RPA1: variants seen among roughly 807,000 people sequenced by gnomAD.
RPA1 encodes the protein replication protein A1, also known as replication protein A 70 kDa DNA-binding subunit.
Under a neutral mutation model 83.0 loss-of-function variants are expected in RPA1, and 49 were observed. The observed-to-expected ratio is 0.59, with a 90% CI of 0.47 to 0.75. The LOEUF is 0.75. Among genes scored for constraint, RPA1 ranks in the 30% least tolerant of loss-of-function variants. RPA1 has a pLI of 0.00. For synonymous variants in RPA1, 279 were observed against 281.8 expected, an observed-to-expected ratio of 0.99 and a Z score of 0.10; for missense variants, 693 against 776.1, an observed-to-expected ratio of 0.89 and a Z score of 1.27.
At position 1,831,511 on chromosome 17, in the gene RPA1, C is replaced by T. The variant is rs533850472; in HGVS notation, c.33+1385C>T. On this transcript the variant is annotated intron_variant, in intron 1 of 16. Coordinates refer to ENST00000254719, the MANE Select transcript of RPA1 (RefSeq NM_002945.5). ...ATTCCCATCCACAGCATACTCTCAG[C>T]CTACCTCTCCAGTCACCCCCACATT... Among the ~76,000 whole-genome samples the T allele has an allele frequency of 6.6e-5, 10 of 152,186 alleles. No individual in the cohort carries two copies. In the East Asian group the frequency reaches 1.3e-3, roughly 21 times the overall value.
chr17:1,886,571 A>C (rs539988795), intron 13 of RPA1, among the ~76,000 whole-genome samples: 8 of 152,342 alleles, frequency 5.3e-5, no homozygotes, highest in African/African-American at 1.9e-4. Flanking sequence ...GGTCCTAGCT[A>C]GATCTTCTGG....
chr17:1,837,768 G>A (rs1434472671), intron 1 of RPA1, among the ~76,000 whole-genome samples: 3 of 152,152 alleles, frequency 2.0e-5, no homozygotes, highest in Non-Finnish European at 1.5e-5. Flanking sequence ...CTAAAAATTG[G>A]GTTTTGTGCT....
intron 15 of RPA1, among the ~76,000 whole-genome samples, chr17:1,894,029 GT>G (rs5818841): frequency 0.16 from 20,964 of 127,434 alleles, 1,569 homozygotes; most frequent in East Asian, 0.25. Flanking sequence ...CCTGGCTTAA[GT>G]TTTTTTTTTT....
At chr17:1,889,641 T>A (rs1914130968) in intron 14 of RPA1, among the ~76,000 whole-genome samples, 1 of 152,112 alleles carries the variant, frequency 6.6e-6, no homozygotes, top group African/African-American at 2.4e-5. Context: ...GCACCCGGCC[T>A]TAAGATTTTT....
intron 5 of RPA1, among the ~76,000 whole-genome samples, chr17:1,860,805 G>T (rs941249858): frequency 6.6e-6 from 1 of 152,154 alleles, no homozygotes; most frequent in South Asian, 2.1e-4. Context: ...TTCGTACCTC[G>T]TTGGGTGCTA....
chr17:1,830,062 G>T lies in RPA1; in HGVS notation c.-32G>T. ...CGGGTGGGGAAGCTGGAGCTGTTGC[G>T]GGGTCCGCGGGGAAGTCTTGGCGGT... is the stretch of plus-strand genomic sequence containing the variant. On this transcript the variant is annotated 5_prime_UTR_variant, in exon 1 of 17. Transcript: ENST00000254719. 1 of 1,249,100 alleles carries T rather than the reference G, an allele frequency of 8.0e-7. No homozygotes were observed. The highest frequency in any genetic ancestry group is 1.0e-6 in the Non-Finnish European group (1 of 988,078). The allele number at this position is 1,249,100 out of a possible 1,614,324, so 77.4% of individuals were successfully genotyped here.
intron 5 of RPA1, among the ~76,000 whole-genome samples, chr17:1,866,238 T>G (rs954847864): frequency 4.6e-5 from 7 of 151,896 alleles, no homozygotes; most frequent in African/African-American, 1.7e-4. Context: ...TGAGACTCCA[T>G]CTCAAAAAAC....
chr17:1,886,380 T>G (rs1164481966), intron 13 of RPA1, among the ~76,000 whole-genome samples: 1 of 152,236 alleles, frequency 6.6e-6, no homozygotes, highest in African/African-American at 2.4e-5. Context: ...GAGCACTGGC[T>G]TCACCTTATA....
At chr17:1,850,142 A>C (rs1197035345) in intron 4 of RPA1, among the ~76,000 whole-genome samples, 3 of 151,210 alleles carry the variant, frequency 2.0e-5, no homozygotes, top group Non-Finnish European at 4.4e-5. Context: ...ACTGCACTCT[A>C]GCCTGGGCGA....
At chr17:1,866,831 T>C (rs1464623618) in intron 5 of RPA1, among the ~76,000 whole-genome samples, 1 of 152,256 alleles carries the variant, frequency 6.6e-6, no homozygotes, top group East Asian at 1.9e-4. Flanking sequence ...TCTTGATTTA[T>C]GGTGTTTCGG....
intron 6 of RPA1, among the ~76,000 whole-genome samples, chr17:1,874,181 G>T (rs1427907928): frequency 6.6e-6 from 1 of 151,474 alleles, no homozygotes; most frequent in Non-Finnish European, 1.5e-5. Context: ...TTTTCTGGTT[G>T]TCTATCTTTG....
At chr17:1,874,065 T>A (rs1913495225) in intron 6 of RPA1, among the ~76,000 whole-genome samples, 1 of 126,070 alleles carries the variant, frequency 7.9e-6, no homozygotes, top group African/African-American at 3.2e-5. Flanking sequence ...ACACACACAC[T>A]TTTGAAGAGA....
intron 1 of RPA1, among the ~76,000 whole-genome samples, chr17:1,830,859 G>A (rs1911534113): frequency 6.6e-6 from 1 of 151,688 alleles, no homozygotes; most frequent in Non-Finnish European, 1.5e-5. Flanking sequence ...TCCGTCTCCC[G>A]GGTGCAAGTG....
At position 1,891,833 on chromosome 17, in the gene RPA1, G is replaced by A. The variant is rs768226366; in HGVS notation, c.1552G>A (p.Val518Ile). Residue 518 changes from valine to isoleucine, a missense_variant and splice_region_variant, in exon 15 of 17, where the codon GTA (valine) becomes ATA (isoleucine). By Grantham distance (29) the Val-to-Ile change is conservative. Coordinates refer to ENST00000254719, the MANE Select transcript of RPA1 (RefSeq NM_002945.5). ...AATAATGTAGAATTGTGTTTTTTAG[G>A]TAAATATTGCAGATTTTCAAGAGAA... ...PNFKYRMILS[V>I]NIADFQENQW... is the part of the protein sequence containing the mutation. The A allele has an allele frequency of 6.4e-7, 1 of 1,572,070 alleles. No homozygotes were observed. The highest frequency in any genetic ancestry group is 2.3e-5 in the East Asian group (1 of 44,322).
chr17:1,891,025 T>C (rs1005227295), intron 14 of RPA1, among the ~76,000 whole-genome samples: 1 of 152,214 alleles, frequency 6.6e-6, no homozygotes, highest in African/African-American at 2.4e-5. Context: ...TTTCGTCACC[T>C]TATTTTTCGT....
At chr17:1,842,715 A>G (rs1175929178) in intron 1 of RPA1, 88 bp from the exon 2 acceptor site, 3 of 1,160,552 alleles carry the variant, frequency 2.6e-6, no homozygotes, top group African/African-American at 1.5e-5. Flanking sequence ...AATCTTATCT[A>G]TATATTCCAA....
intron 4 of RPA1, among the ~76,000 whole-genome samples, chr17:1,849,331 C>T (rs1237493603): frequency 1.6e-5 from 2 of 126,368 alleles, no homozygotes; most frequent in East Asian, 4.5e-4. Flanking sequence ...CTCGCTCTGT[C>T]TCTCAGGCTG....
chr17:1,836,622 G>C (rs947616886), intron 1 of RPA1, among the ~76,000 whole-genome samples: 6 of 151,462 alleles, frequency 4.0e-5, no homozygotes, highest in African/African-American at 7.3e-5. Flanking sequence ...CATATAAATG[G>C]AATCAAATAA....
chr17:1,839,169 A>G (rs1360363433), intron 1 of RPA1, among the ~76,000 whole-genome samples: 1 of 151,260 alleles, frequency 6.6e-6, no homozygotes, highest in Non-Finnish European at 1.5e-5. Flanking sequence ...TAGTCACTTT[A>G]TATAAAATCA....
Sources: gnomAD v4.1 joint callset for allele counts (sites outside exome capture counted in the v4.1 genomes callset) on GRCh38, gnomAD v4.1.1 for gene constraint, MANE v1.5 for transcripts, NCBI Gene and HGNC (gene_info 2026-07-23, HGNC 2026-07-21) for gene names.